The following SPAG16 variants were observed in gnomAD, a reference collection of about 807,000 sequenced individuals.
SPAG16 encodes the protein sperm-associated antigen 16 protein.
A neutral mutation model predicts 80.4 loss-of-function variants in SPAG16; 86 were observed. That is an observed-to-expected ratio of 1.07 (90% CI 0.90 to 1.28). The LOEUF (loss-of-function observed/expected upper bound fraction) is 1.28, where lower values mean the gene tolerates loss of function less well. Ranked by LOEUF, SPAG16 falls within the 50% of genes most tolerant of loss-of-function variation. SPAG16 has a pLI of 0.00. For missense variants in SPAG16, 870 were observed against 765.3 expected (o/e 1.14, Z -1.61); for synonymous variants, 294 against 265.9 (o/e 1.11, Z -1.03).
At chr2:213,924,612 C>T (rs536821215) in intron 11 of SPAG16, among the ~76,000 whole-genome samples, 65 of 152,214 alleles carry the variant, frequency 4.3e-4, no homozygotes, top group Non-Finnish European at 3.4e-4. Flanking sequence ...ATTTTCATTT[C>T]CTTTGGCCTA....
At chr2:213,955,899 A>G (rs1344806252) in intron 12 of SPAG16, among the ~76,000 whole-genome samples, 4 of 151,998 alleles carry the variant, frequency 2.6e-5, no homozygotes, top group Non-Finnish European at 1.5e-5. Context: ...TAGTTCATCT[A>G]GATAAAAGTT....
chr2:214,384,057 A>G (rs1032474238), intron 15 of SPAG16, among the ~76,000 whole-genome samples: 1 of 152,204 alleles, frequency 6.6e-6, no homozygotes, highest in African/African-American at 2.4e-5. Context: ...GTTATTTTGA[A>G]TATGAGCTAC....
intron 12 of SPAG16, among the ~76,000 whole-genome samples, chr2:213,980,475 GTA>G (rs1160098287): frequency 3.2e-5 from 2 of 62,066 alleles, no homozygotes; most frequent in Non-Finnish European, 7.0e-5. Context: ...ATATATGTGT[GTA>G]TATATATAAT....
intron 10 of SPAG16, among the ~76,000 whole-genome samples, chr2:213,583,555 A>T (rs2060364332): frequency 6.6e-6 from 1 of 152,228 alleles, no homozygotes; most frequent in Non-Finnish European, 1.5e-5. Context: ...TTTATAGAAG[A>T]CTAAACATAA....
intron 2 of SPAG16, among the ~76,000 whole-genome samples, chr2:213,296,758 A>G (rs1050630099): frequency 2.6e-5 from 4 of 152,228 alleles, no homozygotes; most frequent in African/African-American, 9.6e-5. Flanking sequence ...GAGTTAATAA[A>G]TGTAAAAGGC....
chr2:213,363,171 A>G (rs2066082280), intron 7 of SPAG16, among the ~76,000 whole-genome samples: 1 of 152,182 alleles, frequency 6.6e-6, no homozygotes, highest in Non-Finnish European at 1.5e-5. Flanking sequence ...ATTACAATGT[A>G]TGATGTTAAT....
At chr2:214,110,778 C>T (rs182059622) in intron 14 of SPAG16, among the ~76,000 whole-genome samples, 69 of 152,322 alleles carry the variant, frequency 4.5e-4, no homozygotes, top group African/African-American at 1.6e-3. Flanking sequence ...TCCTATTTCT[C>T]CACATCCTCT....
intron 10 of SPAG16, among the ~76,000 whole-genome samples, chr2:213,841,169 A>G (rs929838462): frequency 6.6e-6 from 1 of 152,188 alleles, no homozygotes; most frequent in Admixed American, 6.5e-5. Context: ...GGGGGAAAGA[A>G]AGAGTATGTT....
chr2:214,217,815 C>A (rs1011348285), intron 15 of SPAG16, among the ~76,000 whole-genome samples: 4 of 152,206 alleles, frequency 2.6e-5, no homozygotes, highest in African/African-American at 9.7e-5. Context: ...TGCAATGTAG[C>A]TTCCCTGGGA....
At position 214,189,919 on chromosome 2, in the gene SPAG16, T is replaced by A. The variant is rs1306980485; in HGVS notation, c.1720+40653T>A. ...ACAACTAGTAAATGCCACCTGAAAT[T>A]TTCCGAAATTGGGATCATACAGTTG... On this transcript the variant is annotated intron_variant, in intron 15 of 15. Coordinates refer to ENST00000331683, the MANE Select transcript of SPAG16 (RefSeq NM_024532.5). Among the ~76,000 whole-genome samples, 3 of 152,058 alleles carry A rather than the reference T, an allele frequency of 2.0e-5. No individual in the cohort carries two copies. In the East Asian group the frequency reaches 5.8e-4, roughly 29 times the overall value.
intron 15 of SPAG16, among the ~76,000 whole-genome samples, chr2:214,394,440 T>C: frequency 6.6e-6 from 1 of 152,190 alleles, no homozygotes; most frequent in Admixed American, 6.5e-5. Flanking sequence ...TGTAATTGAG[T>C]AAAAAAACTT....
At chr2:214,024,712 T>C (rs1321407292) in intron 13 of SPAG16, among the ~76,000 whole-genome samples, 1 of 151,572 alleles carries the variant, frequency 6.6e-6, no homozygotes. Flanking sequence ...CAAAGATTGA[T>C]GGAAAGTTGA....
At chr2:213,494,062 T>C in intron 10 of SPAG16, among the ~76,000 whole-genome samples, 1 of 152,166 alleles carries the variant, frequency 6.6e-6, no homozygotes, top group Non-Finnish European at 1.5e-5. Context: ...GCTTTTCCTC[T>C]CCTGACTCCT....
At chr2:213,671,606 T>C (rs1449059948) in intron 10 of SPAG16, among the ~76,000 whole-genome samples, 5 of 152,206 alleles carry the variant, frequency 3.3e-5, no homozygotes, top group Admixed American at 6.5e-5. Flanking sequence ...ACTTCAACTA[T>C]TGCTCTAAAT....
rs999683263 is a variant in SPAG16, at chr2:213,786,588, T to C, written c.1071-75897T>C. On this transcript the variant is annotated intron_variant, in intron 10 of 15. Transcript: ENST00000331683. ...ATAAACTATTACCATGTAATTTAATTAAACTTGGTATGACAAACACTTTGT... is the reference window on the plus strand; with the variant it reads ...ATAAACTATTACCATGTAATTTAATCAAACTTGGTATGACAAACACTTTGT... Among the ~76,000 whole-genome samples the C allele has an allele frequency of 3.3e-5, 5 of 152,306 alleles. No individual in the cohort carries two copies. The South Asian group carries it at 8.3e-4, about 25-fold the overall frequency.
chr2:213,432,000 CTT>C lies in SPAG16; in HGVS notation c.942+56883_942+56884del, dbSNP rs528198412. On this transcript the variant is annotated intron_variant, in intron 9 of 15. Coordinates refer to ENST00000331683, the MANE Select transcript of SPAG16 (RefSeq NM_024532.5). ...ATTTAAAAACATGCTGCTAAATGAT[CTT>C]TGAGTCAATGATAAAATTAAATTAA... Among the ~76,000 whole-genome samples the C allele has an allele frequency of 3.9e-3, 593 of 152,124 alleles. 5 individuals are homozygous for C. The highest frequency in any genetic ancestry group is 6.0e-3 in the Non-Finnish European group (407 of 67,944).
At chr2:213,708,357 A>T (rs2065843947) in intron 10 of SPAG16, among the ~76,000 whole-genome samples, 1 of 152,218 alleles carries the variant, frequency 6.6e-6, no homozygotes, top group Non-Finnish European at 1.5e-5. Context: ...AGTAGCACTT[A>T]AGAAGAGTAT....
intron 15 of SPAG16, among the ~76,000 whole-genome samples, chr2:214,275,036 T>A (rs142776486): frequency 0.017 from 2,595 of 152,274 alleles, 49 homozygotes; most frequent in African/African-American, 0.04. Flanking sequence ...AGGGTGTATA[T>A]GTCCAGGAAT....
intron 10 of SPAG16, among the ~76,000 whole-genome samples, chr2:213,636,413 G>A (rs561835737): frequency 6.6e-6 from 1 of 152,162 alleles, no homozygotes; most frequent in African/African-American, 2.4e-5. Flanking sequence ...TTTTTGATTA[G>A]TCTTGTTTTG....
Sources: allele counts gnomAD v4.1 joint callset (sites outside exome capture counted in the v4.1 genomes callset), GRCh38; gene constraint gnomAD v4.1.1; transcripts MANE v1.5; gene names NCBI Gene and HGNC (gene_info 2026-07-23, HGNC 2026-07-21).